ADCY9: variants seen among roughly 807,000 people sequenced by gnomAD.
ADCY9 encodes adenylate cyclase type 9.
ADCY9 carries 50 observed loss-of-function variants against 101.5 expected under a neutral mutation model. The ratio of observed to expected loss-of-function variants is 0.49; its 90% confidence interval spans 0.39 to 0.62. The LOEUF (loss-of-function observed/expected upper bound fraction) is 0.62. Ranked by LOEUF, ADCY9 falls within the 20% of genes least tolerant of loss-of-function variation. ADCY9 has a pLI of 0.00. For synonymous variants in ADCY9, 905 were observed against 769.3 expected (o/e 1.18, Z -2.92); for missense variants, 1,662 against 1,800.4 (o/e 0.92, Z 1.39).
intron 5 of ADCY9, among the ~76,000 whole-genome samples, chr16:3,954,992 T>C (rs911686949): frequency 6.6e-6 from 1 of 152,012 alleles, no homozygotes; most frequent in African/African-American, 2.4e-5. Context: ...ATTCTGCCAG[T>C]ATAACAGACA....
chr16:4,101,889 C>T (rs2057045436), intron 2 of ADCY9, among the ~76,000 whole-genome samples: 1 of 152,114 alleles, frequency 6.6e-6, no homozygotes, highest in Non-Finnish European at 1.5e-5. Flanking sequence ...TAGGAACGAG[C>T]CTGCTGAACC....
At chr16:4,066,162 C>G (rs2056800119) in intron 2 of ADCY9, among the ~76,000 whole-genome samples, 1 of 152,172 alleles carries the variant, frequency 6.6e-6, no homozygotes, top group South Asian at 2.1e-4. Context: ...TGGGGACGTT[C>G]CATCTACATC....
chr16:4,115,100 G>A lies in ADCY9; in HGVS notation c.343C>T (p.Arg115Trp). 1 of 1,613,904 alleles carries A rather than the reference G, an allele frequency of 6.2e-7. No individual in the cohort carries two copies. The highest frequency in any genetic ancestry group is 1.3e-5 in the African/African-American group (1 of 75,068). The change falls in exon 2 of 11, where the codon CGG becomes TGG. Residue 115 changes from arginine to tryptophan, a missense_variant. By Grantham distance (101) the Arg-to-Trp change is moderately radical. Around this residue, in one of 5 missense-constraint regions of ADCY9, gnomAD observed 422 missense variants for 392.0 expected, o/e 1.08. Coordinates refer to ENST00000294016, the MANE Select transcript of ADCY9 (RefSeq NM_001116.4). This position sits in a 1 kb window ranked among gnomAD's most constrained non-coding sequence, Gnocchi z 6.2. ...LERCFPQTQRRFRYALFYIGF... is the reference protein window; with the variant it reads ...LERCFPQTQRWFRYALFYIGF... ...ATGTAGAAGAGCGCATACCGGAACC[G>A]GCGCTGGGTCTGCGGGAAGCAGCGC...
chr16:4,048,430 T>C (rs1000539887), intron 2 of ADCY9, among the ~76,000 whole-genome samples: 111 of 152,242 alleles, frequency 7.3e-4, no homozygotes, highest in Non-Finnish European at 1.1e-3. Context: ...CTGTGGTTTA[T>C]ATAACTTCTC....
Position 4,115,460 on chromosome 16 carries a change from C to CCTGCCCCGGCCGGGGT in ADCY9, c.-34_-19dup. 1 of 1,512,934 alleles carries CCTGCCCCGGCCGGGGT rather than the reference C, an allele frequency of 6.6e-7. No homozygotes were observed. Among genetic ancestry groups the CCTGCCCCGGCCGGGGT allele is most frequent in the African/African-American group, 1.4e-5 (1 of 72,384 alleles). The allele number at this position is 1,512,934 out of a possible 1,614,324, so 93.7% of individuals were successfully genotyped here. On this transcript the variant is annotated 5_prime_UTR_variant, in exon 2 of 11. Coordinates refer to ENST00000294016, the MANE Select transcript of ADCY9 (RefSeq NM_001116.4). This position sits in a 1 kb window ranked among gnomAD's most constrained non-coding sequence, Gnocchi z 6.2. Reference sequence around the variant, plus strand: ...GAAGCCATGTTGTCGAGTCCCGGGGCCTGCCCCGGCCGGGGTCACCAGTAC... The same window carrying CCTGCCCCGGCCGGGGT: ...GAAGCCATGTTGTCGAGTCCCGGGGCCTGCCCCGGCCGGGGTCTGCCCCGGCCGGGGTCACCAGTAC...
At chr16:3,980,524 CTG>C (rs2056132330) in intron 7 of ADCY9, among the ~76,000 whole-genome samples, 2 of 152,168 alleles carry the variant, frequency 1.3e-5, no homozygotes, top group African/African-American at 4.8e-5. Flanking sequence ...GCTGTTGTGA[CTG>C]AACAGCAAAA....
chr16:4,053,437 A>G (rs1597194802), intron 2 of ADCY9, among the ~76,000 whole-genome samples: 1 of 152,062 alleles, frequency 6.6e-6, no homozygotes. Context: ...CTCTCGACGG[A>G]AACAGCAGTT....
At chr16:4,064,124 G>A (rs1284545334) in intron 2 of ADCY9, among the ~76,000 whole-genome samples, 1 of 152,146 alleles carries the variant, frequency 6.6e-6, no homozygotes, top group Admixed American at 6.5e-5. Context: ...GAAATCAACT[G>A]TTTTGTGTAT....
At chr16:3,960,069 T>C (rs2055929837), downstream of ADCY9, among the ~76,000 whole-genome samples, 1 of 151,700 alleles carries the variant, frequency 6.6e-6, no homozygotes, top group Admixed American at 6.6e-5. Context: ...TAACAATGAG[T>C]AGCATTAACA....
chr16:3,955,194 C>T (rs760788331), intron 5 of ADCY9, among the ~76,000 whole-genome samples: 2 of 151,440 alleles, frequency 1.3e-5, no homozygotes, highest in African/African-American at 2.4e-5. Context: ...TCCAAAATTA[C>T]GTCAAAAATT....
chr16:3,992,139 G>C lies in ADCY9; in HGVS notation c.2207+7C>G, dbSNP rs1432731332. 1 of 1,613,810 alleles carries C rather than the reference G, an allele frequency of 6.2e-7. No individual in the cohort carries two copies. The highest frequency in any genetic ancestry group is 1.1e-5 in the South Asian group (1 of 91,062). On this transcript the variant is annotated splice_region_variant and intron_variant, in intron 5 of 10. Transcript: ENST00000294016. The surrounding 1 kb of genome is among the most constrained non-coding windows in gnomAD (Gnocchi z 4.2). ...CTTTGCTTTTTCCCAGACAGCCCCA[G>C]TCGTACCTGTCTTCTTTGATAACGT...
At chr16:4,093,301 C>T (rs986109918) in intron 2 of ADCY9, among the ~76,000 whole-genome samples, 6 of 152,146 alleles carry the variant, frequency 3.9e-5, no homozygotes, top group Admixed American at 1.3e-4. Context: ...TTGCTGTCCC[C>T]GAAGCTCTCT....
At position 4,101,281 on chromosome 16, in the gene ADCY9, A is replaced by ATTTT. The variant is rs34733913; in HGVS notation, c.1693+12465_1693+12468dup. On this transcript the variant is annotated intron_variant, in intron 2 of 10. Transcript: ENST00000294016. ...GTCTAGTACAATATTTGTTCAGGTGATTTTTTTTTTTTTTTTTGAGACAGA... is the reference window on the plus strand; with the variant it reads ...GTCTAGTACAATATTTGTTCAGGTGATTTTTTTTTTTTTTTTTTTTTGAGACAGA... 2.1e-3 allele frequency among the ~76,000 whole-genome samples: 282 copies of ATTTT among 135,512 alleles called. 7 individuals are homozygous for ATTTT. The highest frequency in any genetic ancestry group is 7.7e-3 in the Middle Eastern group (2 of 260). 88.9% of individuals were successfully genotyped at this position (135,512 alleles called of 152,430 possible).
intron 2 of ADCY9, among the ~76,000 whole-genome samples, chr16:4,015,238 G>C (rs1185418298): frequency 6.6e-6 from 1 of 152,020 alleles, no homozygotes; most frequent in African/African-American, 2.4e-5. Flanking sequence ...ACCGTGCCTG[G>C]CTTGGCTTCT....
At chr16:3,957,468 G>T (rs1047854209) in intron 5 of ADCY9, among the ~76,000 whole-genome samples, 1 of 152,084 alleles carries the variant, frequency 6.6e-6, no homozygotes, top group Non-Finnish European at 1.5e-5. Context: ...TTTATCTACA[G>T]TCCTAGAGTC....
chr16:4,011,147 C>T (rs1319324558), intron 2 of ADCY9, among the ~76,000 whole-genome samples: 1 of 152,106 alleles, frequency 6.6e-6, no homozygotes, highest in East Asian at 1.9e-4. Flanking sequence ...AATAGCAAAC[C>T]AGGCCAGGGG....
At chr16:3,967,300 C>G (rs2056007735) in intron 10 of ADCY9, among the ~76,000 whole-genome samples, 1 of 152,036 alleles carries the variant, frequency 6.6e-6, no homozygotes, top group African/African-American at 2.4e-5. Flanking sequence ...CTGTAACTAA[C>G]ATCTTTAGTA....
intron 2 of ADCY9, among the ~76,000 whole-genome samples, chr16:4,029,321 G>A (rs898237956): frequency 1.1e-4 from 17 of 152,118 alleles, no homozygotes; most frequent in South Asian, 2.1e-4. Flanking sequence ...TATGCCAATT[G>A]CCAATATTTG....
chr16:4,060,145 G>T (rs2141159625), intron 2 of ADCY9, among the ~76,000 whole-genome samples: 1 of 152,262 alleles, frequency 6.6e-6, no homozygotes, highest in South Asian at 2.1e-4. Flanking sequence ...TAAACAACAG[G>T]AAATGTACAG....
Sources: allele counts gnomAD v4.1 joint callset (sites outside exome capture counted in the v4.1 genomes callset), GRCh38; gene constraint gnomAD v4.1.1; regional missense constraint gnomAD v4.1.1; non-coding constraint Gnocchi (gnomAD v3.1); transcripts MANE v1.5; gene names NCBI Gene and HGNC (gene_info 2026-07-23, HGNC 2026-07-21).